Variants in PCNT observed in about 807,000 individuals in gnomAD.
PCNT encodes the protein kendrin.
Under a neutral mutation model 380.4 loss-of-function variants are expected in PCNT, and 319 were observed. The observed-to-expected ratio is 0.84, with a 90% CI of 0.77 to 0.92. PCNT has a LOEUF of 0.92. PCNT is among the 40% of genes least tolerant of loss of function. PCNT has a pLI of 0.00. For synonymous variants in PCNT, 1,845 were observed against 1,735.2 expected, an observed-to-expected ratio of 1.06 and a Z score of -1.57; for missense variants, 4,400 against 4,255.3, an observed-to-expected ratio of 1.03 and a Z score of -0.95.
At chr21:46,418,846 G>C (rs943884186) in intron 31 of PCNT, among the ~76,000 whole-genome samples, 2 of 152,264 alleles carry the variant, frequency 1.3e-5, no homozygotes, top group African/African-American at 4.8e-5. Flanking sequence ...TGGTGCGTGG[G>C]GGGCTGCGTC....
chr21:46,416,108 G>A lies in PCNT; in HGVS notation c.6190G>A (p.Val2064Ile). 1 of 1,614,192 alleles carries A rather than the reference G, an allele frequency of 6.2e-7. No individual in the cohort carries two copies. ...ACTGGAAGATTGTCAGCTGCCGAAG[G>A]TCGATCTCGTAGCTCAGGTGAAACA... ...KVLEDCQLPK[V>I]DLVAQVKQLQ... is the part of the protein sequence containing the mutation. The change falls in exon 30 of 47, where the codon GTC (valine) becomes ATC (isoleucine). Residue 2064 changes from valine (V) to isoleucine (I), a missense_variant. Physicochemically the swap from Val to Ile is conservative, Grantham distance 29 (BLOSUM62 3). Transcript: ENST00000359568.
At position 46,402,470 on chromosome 21, in the gene PCNT, AC is replaced by A. The variant is rs1483901998; in HGVS notation, c.5103del (p.Asn1701LysfsTer4). The A allele has an allele frequency of 6.2e-7, 1 of 1,613,970 alleles. No homozygotes were observed. The highest frequency in any genetic ancestry group is 8.5e-7 in the Non-Finnish European group (1 of 1,179,986). ...AGCCTCAGAGAACTTGAGGAAGAGA[AC>A]ACGAGCTTGAAGGTAAGCTACCAAA... Reference protein sequence around the residue: ...AVSLRELEEENTSLKVIYTRS... With the variant: ...AVSLRELEEEXTSLKVIYTRS... On this transcript the variant is annotated frameshift_variant, in exon 27 of 47. Transcript: ENST00000359568. LOFTEE classifies it high-confidence loss of function.
At position 46,363,859 on chromosome 21, in the gene PCNT, C is replaced by T. The variant is rs1427950812; in HGVS notation, c.2534C>T (p.Thr845Ile). The T allele has an allele frequency of 6.2e-7, 1 of 1,611,972 alleles. No individual in the cohort carries two copies. The stretch of plus-strand genomic sequence containing the variant: ...AGCCAGTGTGGGCGGGAGCCGCCCA[C>T]AGCCCAGGACGGGGAGCTTGCTGCG... The part of the protein sequence containing the change: ...HCSQCGREPP[T>I]AQDGELAALH... The change falls in exon 14 of 47, where the codon ACA (threonine) becomes ATA (isoleucine). Residue 845 changes from threonine (T) to isoleucine (I), a missense_variant. Coordinates refer to ENST00000359568, the MANE Select transcript of PCNT (RefSeq NM_006031.6).
chr21:46,437,380 G>A (rs914060712), intron 40 of PCNT, among the ~76,000 whole-genome samples: 1 of 150,192 alleles, frequency 6.7e-6, no homozygotes, highest in African/African-American at 2.5e-5. Flanking sequence ...GGGATGCTGC[G>A]TGACTGGTAG....
intron 27 of PCNT, among the ~76,000 whole-genome samples, chr21:46,407,743 A>G (rs1242328844): frequency 1.3e-5 from 2 of 151,976 alleles, no homozygotes; most frequent in Admixed American, 1.3e-4. Context: ...TTTATTCCTG[A>G]TATTAGTGAG....
chr21:46,445,151 A>G (rs556205474), intron 46 of PCNT, 133 bp from the exon 47 acceptor site: 32 of 738,022 alleles, frequency 4.3e-5, no homozygotes, highest in Admixed American at 1.2e-4. Flanking sequence ...CATAATTTAA[A>G]CCACTGTATA....
chr21:46,328,610 G>C (rs2083461999), intron 2 of PCNT, among the ~76,000 whole-genome samples: 1 of 149,506 alleles, frequency 6.7e-6, no homozygotes, highest in Admixed American at 6.6e-5. Context: ...GCAGGCGCCT[G>C]CCACCAAACC....
At chr21:46,325,189 G>T in intron 1 of PCNT, 1 of 985,764 alleles carries the variant, frequency 1.0e-6, no homozygotes, top group Non-Finnish European at 1.2e-6. Flanking sequence ...CGGAACCGCG[G>T]GAGCAGGCCG....
chr21:46,438,588 G>A (rs1428869971), intron 41 of PCNT, among the ~76,000 whole-genome samples: 1 of 151,998 alleles, frequency 6.6e-6, no homozygotes, highest in Non-Finnish European at 1.5e-5. Context: ...CTTGATGTTT[G>A]GTGCATGTTC....
At chr21:46,386,323 T>A (rs1428189736) in intron 17 of PCNT, among the ~76,000 whole-genome samples, 2 of 152,238 alleles carry the variant, frequency 1.3e-5, no homozygotes, top group Non-Finnish European at 2.9e-5. Flanking sequence ...CAGCGTGTCC[T>A]CGTCCCCGGC....
chr21:46,339,102 G>A (rs970220786), intron 3 of PCNT, among the ~76,000 whole-genome samples: 1 of 152,084 alleles, frequency 6.6e-6, no homozygotes, highest in Non-Finnish European at 1.5e-5. Context: ...ATTTTTAGTA[G>A]GGATAGTTTT....
intron 24 of PCNT, among the ~76,000 whole-genome samples, chr21:46,398,610 A>G (rs2086289116): frequency 1.3e-5 from 2 of 152,106 alleles, no homozygotes; most frequent in Admixed American, 1.3e-4. Flanking sequence ...GGTCACGGCC[A>G]TGCCGCCGTC....
chr21:46,397,703 A>G (rs1366902406), intron 22 of PCNT, among the ~76,000 whole-genome samples: 2 of 151,954 alleles, frequency 1.3e-5, no homozygotes, highest in Non-Finnish European at 2.9e-5. Flanking sequence ...GCCACCTCCC[A>G]TGGTCTTGCC....
intron 3 of PCNT, among the ~76,000 whole-genome samples, chr21:46,341,346 T>C (rs1280261635): frequency 2.6e-5 from 4 of 152,046 alleles, no homozygotes; most frequent in African/African-American, 9.7e-5. Context: ...TTGTCTGGTC[T>C]TTTTTAGTGA....
intron 27 of PCNT, among the ~76,000 whole-genome samples, chr21:46,407,545 G>A (rs55884233): frequency 0.13 from 19,614 of 151,878 alleles, 3,545 homozygotes; most frequent in African/African-American, 0.41. Context: ...GGGTTTCACC[G>A]TGTTAGCCAG....
intron 13 of PCNT, among the ~76,000 whole-genome samples, chr21:46,357,671 T>A (rs2084526350): frequency 6.6e-6 from 1 of 152,184 alleles, no homozygotes; most frequent in South Asian, 2.1e-4. Context: ...TCAAGTGATC[T>A]GCCTGCCTTG....
Position 46,436,063 on chromosome 21 carries a change from C to T in PCNT, c.8911C>T (p.Gln2971Ter). 1.9e-6 allele frequency: 3 copies of T among 1,613,562 alleles called. No individual in the cohort carries two copies. The highest frequency in any genetic ancestry group is 2.5e-6 in the Non-Finnish European group (3 of 1,179,952). The change falls in exon 39 of 47, where the codon CAG (glutamine) becomes TAG (stop). Residue 2971 changes from glutamine (Q) to a stop codon, truncating the protein, a stop_gained. Coordinates refer to ENST00000359568, the MANE Select transcript of PCNT (RefSeq NM_006031.6). LOFTEE classifies it high-confidence loss of function. ...AGSDADHLRE[Q>*]QRELEAMRQR... ...CTCGGATGCGGACCACCTCCGGGAACAGCAGCGAGAGCTGGAGGCGATGAG... is the reference window on the plus strand; with the variant it reads ...CTCGGATGCGGACCACCTCCGGGAATAGCAGCGAGAGCTGGAGGCGATGAG...
Position 46,381,803 on chromosome 21 carries a change from C to T in PCNT, c.3275C>T (p.Ser1092Phe), listed in dbSNP as rs2085552991. Reference sequence around the variant, plus strand: ...CACCAAGAGGAGAAAGAGTCTTTGTCTCTGCAGCTTCAAAAGAAGAATCAC... The same window carrying T: ...CACCAAGAGGAGAAAGAGTCTTTGTTTCTGCAGCTTCAAAAGAAGAATCAC... ...PFHQEEKESL[S>F]LQLQKKNHQV... is the part of the protein sequence containing the mutation. Residue 1092 changes from serine (S) to phenylalanine (F), a missense_variant, in exon 16 of 47, where the codon TCT (serine) becomes TTT (phenylalanine). Coordinates refer to ENST00000359568, the MANE Select transcript of PCNT (RefSeq NM_006031.6). The T allele has an allele frequency of 2.5e-6, 4 of 1,614,208 alleles. No homozygotes were observed. The highest frequency in any genetic ancestry group is 3.4e-6 in the Non-Finnish European group (4 of 1,180,040).
rs997245162 is a variant in PCNT at position 46,425,761 on chromosome 21, C to T, written c.7180-70C>T. 54 of 1,605,748 alleles carry T rather than the reference C, an allele frequency of 3.4e-5. No homozygotes were observed. In the Admixed American group the frequency reaches 3.5e-4, roughly 10 times the overall value. ...CAGAGTCCTGGCGGCAGCTCGGGGC[C>T]GCAGGTGGTGTAGAGCGTGGCTGTG... On this transcript the variant is annotated intron_variant, in intron 32 of 46. Transcript: ENST00000359568. The surrounding 1 kb of genome is among the most constrained non-coding windows in gnomAD (Gnocchi z 4.2).
Sources: gnomAD v4.1 joint callset for allele counts (sites outside exome capture counted in the v4.1 genomes callset) on GRCh38, gnomAD v4.1.1 for gene constraint, Gnocchi (gnomAD v3.1) non-coding constraint, MANE v1.5 for transcripts, NCBI Gene and HGNC (gene_info 2026-07-23, HGNC 2026-07-21) for gene names.